The following FLNB variants were observed in gnomAD, a reference collection of about 807,000 sequenced individuals.
FLNB encodes filamin-B.
In FLNB, 111 loss-of-function variants were observed where a neutral mutation model predicts 250.6. The observed-to-expected ratio is 0.44, with a 90% CI of 0.38 to 0.52. FLNB has a LOEUF of 0.52. Ranked by LOEUF, FLNB falls within the 20% of genes least tolerant of loss-of-function variation. The pLI is 0.00. For synonymous variants in FLNB, 1,302 were observed against 1,372.1 expected (o/e 0.95, Z 1.13); for missense variants, 2,869 against 3,447.8 (o/e 0.83, Z 4.20).
intron 20 of FLNB, 42 bp downstream of exon 20, chr3:58,121,545 C>A: frequency 6.2e-7 from 1 of 1,609,742 alleles, no homozygotes; most frequent in South Asian, 1.1e-5. Flanking sequence ...TCATTGCTGT[C>A]AAACATGACA....
At chr3:58,125,521 AT>A in intron 22 of FLNB, 59 bp from the exon 23 acceptor site, 1 of 1,582,736 alleles carries the variant, frequency 6.3e-7, no homozygotes, top group Admixed American at 1.7e-5. Context: ...GTAGAGAATC[AT>A]TTTTCACAAA....
rs560648045 is a variant in FLNB at position 58,158,514 on chromosome 3, A to T, written c.6889-1040A>T. The stretch of plus-strand genomic sequence containing the variant: ...CCACTGGAAAAGAATCTGTATTTTA[A>T]TAAGATCCCCAGATGGTTTGCTTAC... On this transcript the variant is annotated intron_variant, in intron 41 of 45. Transcript: ENST00000295956. Among the ~76,000 whole-genome samples the T allele has an allele frequency of 7.9e-5, 12 of 152,352 alleles. No individual in the cohort carries two copies. In the East Asian group the frequency reaches 2.3e-3, roughly 29 times the overall value.
At chr3:58,046,514 G>GTCT (rs1031539140) in intron 1 of FLNB, among the ~76,000 whole-genome samples, 1 of 150,778 alleles carries the variant, frequency 6.6e-6, no homozygotes, top group African/African-American at 2.4e-5. Context: ...CAGTGGTGCA[G>GTCT]TCTTGGCTCA....
intron 1 of FLNB, among the ~76,000 whole-genome samples, chr3:58,029,357 T>C (rs1319128261): frequency 2.0e-5 from 3 of 152,178 alleles, no homozygotes; most frequent in Non-Finnish European, 4.4e-5. Flanking sequence ...AAAAGCCTCA[T>C]ACTGCTAATC....
intron 43 of FLNB, among the ~76,000 whole-genome samples, chr3:58,167,809 C>T (rs2097373366): frequency 6.6e-6 from 1 of 152,236 alleles, no homozygotes; most frequent in Non-Finnish European, 1.5e-5. Flanking sequence ...ATACCACATG[C>T]GTAAATGGTG....
chr3:58,146,825 C>G lies in FLNB; in HGVS notation c.5560C>G (p.Leu1854Val), dbSNP rs559778692. ...IVTEDAGEGGLDLAIEGPSKA... is the reference protein window; with the variant it reads ...IVTEDAGEGGVDLAIEGPSKA... ...ATCCCTGTTCCCACTTGTAGGTGGT[C>G]TGGACTTGGCTATTGAGGGCCCCTC... is the stretch of plus-strand genomic sequence containing the variant. The change falls in exon 34 of 46, where the codon CTG becomes GTG. Residue 1854 changes from leucine to valine, a missense_variant. This residue lies in a region of FLNB where 1,084 missense variants were observed against 1,315.5 expected (regional missense o/e 0.82). Transcript: ENST00000295956. 2 of 1,614,154 alleles carry G rather than the reference C, an allele frequency of 1.2e-6. No homozygotes were observed. Among genetic ancestry groups the G allele is most frequent in the Admixed American group, 1.7e-5 (1 of 60,020 alleles).
chr3:58,054,892 G>A (rs765264038), intron 1 of FLNB, among the ~76,000 whole-genome samples: 1 of 152,156 alleles, frequency 6.6e-6, no homozygotes, highest in Admixed American at 6.5e-5. Context: ...ATTTATTTAT[G>A]TACTGTCTAT....
At chr3:58,110,843 T>C (rs553699629) in intron 16 of FLNB, among the ~76,000 whole-genome samples, 1 of 152,314 alleles carries the variant, frequency 6.6e-6, no homozygotes, top group South Asian at 2.1e-4. Flanking sequence ...AGTGTTGGGA[T>C]TATAGGCATG....
At chr3:58,033,953 C>CG (rs2097134457) in intron 1 of FLNB, among the ~76,000 whole-genome samples, 1 of 151,916 alleles carries the variant, frequency 6.6e-6, no homozygotes, top group African/African-American at 2.4e-5. Context: ...CTCCACCTCC[C>CG]GGGTTCAAGC....
intron 1 of FLNB, among the ~76,000 whole-genome samples, chr3:58,040,191 C>T (rs1026246946): frequency 6.6e-6 from 1 of 152,136 alleles, no homozygotes; most frequent in Non-Finnish European, 1.5e-5. Flanking sequence ...AATCCCCCAG[C>T]GCTGGCCTCT....
At chr3:58,156,213 G>A (rs1318991726) in intron 41 of FLNB, 138 bp downstream of exon 41, 2 of 694,534 alleles carry the variant, frequency 2.9e-6, no homozygotes, top group African/African-American at 3.5e-5. Context: ...CCAGTCACTG[G>A]GGAGCTTTCC....
chr3:58,060,206 T>C (rs1278903350), intron 1 of FLNB, among the ~76,000 whole-genome samples: 1 of 152,082 alleles, frequency 6.6e-6, no homozygotes, highest in Non-Finnish European at 1.5e-5. Flanking sequence ...TTTGTTTTTG[T>C]TTTTTGGTGG....
intron 24 of FLNB, among the ~76,000 whole-genome samples, chr3:58,129,706 G>A (rs1250030424): frequency 6.6e-6 from 1 of 152,218 alleles, no homozygotes; most frequent in Non-Finnish European, 1.5e-5. Context: ...TCTCTGGGAT[G>A]CAAAGCAGAG....
intron 2 of FLNB, chr3:58,078,441 A>AT: frequency 6.5e-7 from 1 of 1,535,206 alleles, no homozygotes; most frequent in South Asian, 1.2e-5. Context: ...AGCTTTGTTT[A>AT]TTTTTTAACA....
intron 7 of FLNB, 23 bp from the exon 8 acceptor site, chr3:58,098,688 A>G (rs1421513563): frequency 1.2e-6 from 2 of 1,613,540 alleles, no homozygotes; most frequent in Non-Finnish European, 1.7e-6. Flanking sequence ...ACTTGGGCTC[A>G]TGGAATGCTT....
chr3:58,028,312 G>A (rs2097126186), intron 1 of FLNB, among the ~76,000 whole-genome samples: 1 of 152,076 alleles, frequency 6.6e-6, no homozygotes, highest in South Asian at 2.1e-4. Context: ...CAGGCTGCAG[G>A]GGTTTAATAG....
intron 4 of FLNB, among the ~76,000 whole-genome samples, chr3:58,086,141 G>A (rs1050970517): frequency 3.4e-5 from 5 of 147,932 alleles, no homozygotes; most frequent in South Asian, 2.2e-4. Flanking sequence ...GACCACAGGT[G>A]TGCACCACCA....
At position 58,097,962 on chromosome 3, in the gene FLNB, G is replaced by T; in HGVS notation, c.1132G>T (p.Asp378Tyr). 1 of 1,614,002 alleles carries T rather than the reference G, an allele frequency of 6.2e-7. No homozygotes were observed. The highest frequency in any genetic ancestry group is 1.1e-5 in the South Asian group (1 of 91,060). ...GNIANKPTYFDIYTAGAGVGD... is the reference protein window; with the variant it reads ...GNIANKPTYFYIYTAGAGVGD... ...CATCGCCAATAAGCCCACCTACTTT[G>T]ACATCTATACGGCAGGTAACGTGCC... Residue 378 changes from aspartate (D) to tyrosine (Y), a missense_variant, in exon 7 of 46, where the codon GAC (aspartate) becomes TAC (tyrosine). By Grantham distance (160) the Asp-to-Tyr change is radical (BLOSUM62 -3). This residue lies in a region of FLNB where 1,348 missense variants were observed against 1,466.7 expected (regional missense o/e 0.92). Coordinates refer to ENST00000295956, the MANE Select transcript of FLNB (RefSeq NM_001457.4).
chr3:58,021,566 C>G (rs1312307563), intron 1 of FLNB, among the ~76,000 whole-genome samples: 1 of 152,120 alleles, frequency 6.6e-6, no homozygotes, highest in Non-Finnish European at 1.5e-5. Flanking sequence ...CCAAAGGAGG[C>G]AAGCTAGCAC....
Sources: gnomAD v4.1 joint callset for allele counts (sites outside exome capture counted in the v4.1 genomes callset) on GRCh38, gnomAD v4.1.1 for gene constraint, gnomAD v4.1.1 regional missense constraint, MANE v1.5 for transcripts, NCBI Gene and HGNC (gene_info 2026-07-23, HGNC 2026-07-21) for gene names.